The following PACS1 variants were observed in gnomAD, a reference collection of about 807,000 sequenced individuals.
The protein encoded by PACS1 is phosphofurin acidic cluster sorting protein 1, also known as PACS-1.
In PACS1, 24 loss-of-function variants were observed where a neutral mutation model predicts 115.0. The observed-to-expected ratio is 0.21, with a 90% CI of 0.15 to 0.29. The LOEUF (loss-of-function observed/expected upper bound fraction) is 0.29, where lower values mean the gene tolerates loss of function less well. Among genes scored for constraint, PACS1 ranks in the 10% least tolerant of loss-of-function variants. The pLI, the probability that PACS1 is intolerant of heterozygous loss-of-function variation, is 1.00. For missense variants in PACS1, 838 were observed against 1,251.2 expected (o/e 0.67, Z 4.98); for synonymous variants, 453 against 504.5 (o/e 0.90, Z 1.37).
chr11:66,159,107 C>CT (rs1859428870), intron 1 of PACS1, among the ~76,000 whole-genome samples: 1 of 152,162 alleles, frequency 6.6e-6, no homozygotes, highest in South Asian at 2.1e-4. Context: ...TACACCTAGT[C>CT]AAACTGTCAA....
chr11:66,241,736 T>C (rs1855819605), intron 22 of PACS1, 83 bp downstream of exon 22: 3 of 1,090,322 alleles, frequency 2.8e-6, no homozygotes, highest in Non-Finnish European at 4.1e-6. Flanking sequence ...AAATCTGCTT[T>C]TGGGATATTT....
intron 1 of PACS1, among the ~76,000 whole-genome samples, chr11:66,074,940 T>C (rs1857368891): frequency 1.6e-5 from 1 of 63,256 alleles, no homozygotes; most frequent in African/African-American, 5.0e-5. Context: ...TTTTTTTTGG[T>C]GTTTTTTTTT....
At chr11:66,161,996 C>G (rs747842652) in intron 1 of PACS1, among the ~76,000 whole-genome samples, 3 of 151,850 alleles carry the variant, frequency 2.0e-5, no homozygotes, top group Non-Finnish European at 4.4e-5. Context: ...CAAGTAACCC[C>G]TGGTACTTAG....
intron 1 of PACS1, among the ~76,000 whole-genome samples, chr11:66,139,689 C>G (rs1030658258): frequency 6.6e-6 from 1 of 152,062 alleles, no homozygotes; most frequent in Non-Finnish European, 1.5e-5. Context: ...GGATCACATT[C>G]TTTTTTGTGG....
At chr11:66,135,642 T>C (rs1858822219) in intron 1 of PACS1, among the ~76,000 whole-genome samples, 1 of 149,942 alleles carries the variant, frequency 6.7e-6, no homozygotes, top group South Asian at 2.1e-4. Context: ...TCATCCCTGC[T>C]GGCCTCCTCT....
intron 1 of PACS1, among the ~76,000 whole-genome samples, chr11:66,113,133 A>G (rs1191339324): frequency 6.6e-6 from 1 of 152,230 alleles, no homozygotes; most frequent in Non-Finnish European, 1.5e-5. Context: ...ACACAGGTAT[A>G]AATTTGTCAG....
At chr11:66,208,691 A>AAGG (rs1855002304) in intron 2 of PACS1, among the ~76,000 whole-genome samples, 1 of 148,088 alleles carries the variant, frequency 6.8e-6, no homozygotes, top group African/African-American at 2.5e-5. Context: ...AAAAAGAAAG[A>AAGG]AAGGAAGGAA....
At chr11:66,215,228 G>A (rs1855173516) in intron 4 of PACS1, among the ~76,000 whole-genome samples, 1 of 151,976 alleles carries the variant, frequency 6.6e-6, no homozygotes. Flanking sequence ...CACCACACCT[G>A]GCCCGAGCAG....
chr11:66,120,829 C>T (rs1478578969), intron 1 of PACS1, among the ~76,000 whole-genome samples: 2 of 152,204 alleles, frequency 1.3e-5, no homozygotes, highest in South Asian at 2.1e-4. Context: ...CCTCTGTCTG[C>T]TAGAACTCCT....
intron 1 of PACS1, among the ~76,000 whole-genome samples, chr11:66,148,924 T>TCAAAA (rs781547899): frequency 2.4e-4 from 37 of 152,024 alleles, no homozygotes; most frequent in Non-Finnish European, 4.0e-4. Flanking sequence ...AGGCTCCATC[T>TCAAAA]CAAAACAAAA....
At chr11:66,094,034 C>T (rs1400311042) in intron 1 of PACS1, among the ~76,000 whole-genome samples, 2 of 150,616 alleles carry the variant, frequency 1.3e-5, no homozygotes, top group Non-Finnish European at 3.0e-5. Flanking sequence ...ATCTCTGGGA[C>T]GCATTCAAAG....
chr11:66,159,631 G>A (rs1295832871), intron 1 of PACS1, among the ~76,000 whole-genome samples: 1 of 152,116 alleles, frequency 6.6e-6, no homozygotes, highest in Non-Finnish European at 1.5e-5. Flanking sequence ...GGTGGTATTT[G>A]CTGATCTGGT....
chr11:66,219,271 C>G (rs984856413), intron 7 of PACS1, among the ~76,000 whole-genome samples: 1 of 151,670 alleles, frequency 6.6e-6, no homozygotes, highest in Non-Finnish European at 1.5e-5. Flanking sequence ...GCGGGGAGAA[C>G]GAGAAGGAGA....
chr11:66,243,402 C>T lies in PACS1; in HGVS notation c.*122C>T. ...CCCTGGCACCAGGGTCTGCCTCTCA[C>T]TCGCCCAGGTCCCGAAGGACACTGC... On this transcript the variant is annotated 3_prime_UTR_variant, in exon 24 of 24. Transcript: ENST00000320580. The T allele has an allele frequency of 1.5e-6, 1 of 680,494 alleles. No individual in the cohort carries two copies. Among genetic ancestry groups the T allele is most frequent in the South Asian group, 1.7e-5 (1 of 57,772 alleles). The allele number at this position is 680,494 out of a possible 1,614,324, so 42.2% of individuals were successfully genotyped here. A position where few individuals can be genotyped will look rare whatever the true frequency, so the allele number is the denominator to read the frequency against.
intron 3 of PACS1, among the ~76,000 whole-genome samples, 177 bp downstream of exon 3, chr11:66,210,628 C>T (rs1855048303): frequency 6.6e-6 from 1 of 152,216 alleles, no homozygotes; most frequent in African/African-American, 2.4e-5. Context: ...ACCCTTTAGC[C>T]AGTGACGGTA....
chr11:66,194,073 C>T (rs1479576506), intron 2 of PACS1, among the ~76,000 whole-genome samples: 1 of 152,222 alleles, frequency 6.6e-6, no homozygotes, highest in Non-Finnish European at 1.5e-5. Context: ...ACGCCATTCT[C>T]CTGCCTCAGC....
chr11:66,117,947 G>T (rs550868614), intron 1 of PACS1, among the ~76,000 whole-genome samples: 75 of 152,306 alleles, frequency 4.9e-4, no homozygotes, highest in Non-Finnish European at 8.7e-4. Context: ...TCTGGTAATT[G>T]TGGCTTTAAA....
chr11:66,231,189 G>A (rs986434607), intron 13 of PACS1, among the ~76,000 whole-genome samples: 24 of 152,244 alleles, frequency 1.6e-4, no homozygotes, highest in African/African-American at 5.5e-4. Context: ...CTGTGTGGTC[G>A]TGGCCTGCCA....
At chr11:66,142,059 C>T (rs897033590) in intron 1 of PACS1, among the ~76,000 whole-genome samples, 5 of 152,072 alleles carry the variant, frequency 3.3e-5, no homozygotes, top group African/African-American at 1.2e-4. Flanking sequence ...ATCTGCCTGC[C>T]TTAGCCTCCG....
Sources: allele counts gnomAD v4.1 joint callset (sites outside exome capture counted in the v4.1 genomes callset), GRCh38; gene constraint gnomAD v4.1.1; transcripts MANE v1.5; gene names NCBI Gene and HGNC (gene_info 2026-07-23, HGNC 2026-07-21).